The following IGSF21 variants were observed in gnomAD, a reference collection of about 807,000 sequenced individuals.
IGSF21 encodes the protein immunoglobin superfamily member 21.
In IGSF21, 28 loss-of-function variants were observed where a neutral mutation model predicts 46.8. The ratio of observed to expected loss-of-function variants is 0.60; its 90% CI spans 0.44 to 0.82. The LOEUF (loss-of-function observed/expected upper bound fraction) is 0.82. Ranked by LOEUF, IGSF21 falls within the 40% of genes least tolerant of loss-of-function variation. IGSF21 has a pLI of 0.00. For missense variants in IGSF21, 624 were observed against 665.5 expected (o/e 0.94, Z 0.69); for synonymous variants, 284 against 273.6 (o/e 1.04, Z -0.38).
chr1:18,246,616 G>A (rs959255928), intron 2 of IGSF21, among the ~76,000 whole-genome samples: 4 of 152,204 alleles, frequency 2.6e-5, no homozygotes, highest in African/African-American at 4.8e-5. Context: ...AGAAGGCAGA[G>A]GGAGCTAGCT....
chr1:18,124,634 T>G (rs10907329), intron 1 of IGSF21, among the ~76,000 whole-genome samples: 1 of 151,938 alleles, frequency 6.6e-6, no homozygotes, highest in Non-Finnish European at 1.5e-5. Context: ...GTGGCTGGGC[T>G]GCTGTGGAAG....
At chr1:18,363,188 T>C (rs2086121228) in intron 5 of IGSF21, among the ~76,000 whole-genome samples, 2 of 152,220 alleles carry the variant, frequency 1.3e-5, no homozygotes, top group South Asian at 4.1e-4. Flanking sequence ...TGACATTTTA[T>C]AATACTTTGG....
chr1:18,317,371 C>G (rs768077703), intron 3 of IGSF21, among the ~76,000 whole-genome samples: 5 of 152,204 alleles, frequency 3.3e-5, no homozygotes, highest in Non-Finnish European at 7.3e-5. Context: ...GTTAAGCAAC[C>G]TACCCAAGGT....
chr1:18,146,180 C>T (rs951542853), intron 1 of IGSF21, among the ~76,000 whole-genome samples: 3 of 152,224 alleles, frequency 2.0e-5, no homozygotes, highest in African/African-American at 7.2e-5. Flanking sequence ...ATGCCAGTTT[C>T]TCCCCACTCT....
Position 18,193,144 on chromosome 1 carries a change from C to T in IGSF21, c.71-34754C>T, listed in dbSNP as rs1025743896. 3.3e-5 allele frequency among the ~76,000 whole-genome samples: 5 copies of T among 152,112 alleles called. No homozygotes were observed. In the East Asian group the frequency reaches 5.8e-4, roughly 18 times the overall value. The stretch of plus-strand genomic sequence containing the variant: ...GCTTTTGAGGAAGGGCATTTGACAC[C>T]GACAGCTGAGTGAAGAAAGAACAAG... On this transcript the variant is annotated intron_variant, in intron 1 of 9. Coordinates refer to ENST00000251296, the MANE Select transcript of IGSF21 (RefSeq NM_032880.5).
intron 1 of IGSF21, among the ~76,000 whole-genome samples, chr1:18,220,350 A>G (rs943437241): frequency 2.0e-5 from 3 of 152,126 alleles, no homozygotes; most frequent in Non-Finnish European, 4.4e-5. Context: ...CACCAATCCA[A>G]GCAGATGTGG....
chr1:18,298,831 C>T (rs765199488), intron 3 of IGSF21, among the ~76,000 whole-genome samples: 5 of 152,214 alleles, frequency 3.3e-5, no homozygotes, highest in African/African-American at 9.7e-5. Flanking sequence ...CAGCCTGTTC[C>T]TCTCCCTTCA....
intron 2 of IGSF21, among the ~76,000 whole-genome samples, chr1:18,262,474 T>C (rs2084955195): frequency 6.6e-6 from 1 of 152,214 alleles, no homozygotes. Flanking sequence ...CAAGCCTCAG[T>C]TTCCTCATTG....
At chr1:18,263,542 A>G (rs2084965582) in intron 2 of IGSF21, among the ~76,000 whole-genome samples, 1 of 152,112 alleles carries the variant, frequency 6.6e-6, no homozygotes, top group African/African-American at 2.4e-5. Context: ...CTATTCAGTT[A>G]TCTCTGGGGT....
intron 6 of IGSF21, among the ~76,000 whole-genome samples, chr1:18,371,831 T>A (rs2086227961): frequency 6.6e-6 from 1 of 152,328 alleles, no homozygotes; most frequent in Middle Eastern, 3.4e-3. Flanking sequence ...TTTGTTTTCT[T>A]ACATAACTCA....
At chr1:18,377,769 C>T (rs1569909158) in intron 9 of IGSF21, among the ~76,000 whole-genome samples, 1 of 152,216 alleles carries the variant, frequency 6.6e-6, no homozygotes, top group South Asian at 2.1e-4. Flanking sequence ...AGCTTGGCTG[C>T]CCTGACCTCA....
chr1:18,250,164 G>A (rs1006934758), intron 2 of IGSF21, among the ~76,000 whole-genome samples: 1 of 145,522 alleles, frequency 6.9e-6, no homozygotes, highest in African/African-American at 2.5e-5. Context: ...ATTTGTACAG[G>A]CTTTTCAGAG....
intron 4 of IGSF21, among the ~76,000 whole-genome samples, chr1:18,356,954 G>T (rs184461541): frequency 4.7e-4 from 72 of 151,638 alleles, no homozygotes; most frequent in Non-Finnish European, 8.8e-4. Flanking sequence ...GGATGGAAAT[G>T]GAGCTGAATG....
chr1:18,353,861 C>T (rs2085986729), intron 4 of IGSF21, among the ~76,000 whole-genome samples: 1 of 152,222 alleles, frequency 6.6e-6, no homozygotes, highest in Non-Finnish European at 1.5e-5. Flanking sequence ...GCAAGGTCTA[C>T]AGCACTGCAG....
At position 18,291,924 on chromosome 1, in the gene IGSF21, C is replaced by T; in HGVS notation, c.242C>T (p.Thr81Ile). ...TTCACCTTCGACGCCATGTTCTCCA[C>T]CAACTACTCACACATGGAGAACTAC... ...KIFTFDAMFS[T>I]NYSHMENYRK... is the part of the protein sequence containing the mutation. The change falls in exon 3 of 10, where the codon ACC becomes ATC. Residue 81 changes from threonine (T) to isoleucine (I), a missense_variant. Coordinates refer to ENST00000251296, the MANE Select transcript of IGSF21 (RefSeq NM_032880.5). The T allele has an allele frequency of 6.2e-7, 1 of 1,614,058 alleles. No homozygotes were observed. Among genetic ancestry groups the T allele is most frequent in the Non-Finnish European group, 8.5e-7 (1 of 1,179,950 alleles).
At chr1:18,332,261 GTTA>G (rs1375630942) in intron 3 of IGSF21, among the ~76,000 whole-genome samples, 1 of 152,184 alleles carries the variant, frequency 6.6e-6, no homozygotes, top group Non-Finnish European at 1.5e-5. Flanking sequence ...TGTCAACCAT[GTTA>G]TTATTATCTT....
intron 2 of IGSF21, among the ~76,000 whole-genome samples, chr1:18,248,231 G>A (rs953079705): frequency 1.3e-5 from 2 of 152,224 alleles, no homozygotes; most frequent in Non-Finnish European, 2.9e-5. Flanking sequence ...ACAAGAGGCT[G>A]TGTACACAGT....
chr1:18,377,588 A>T (rs1481373160), intron 9 of IGSF21, among the ~76,000 whole-genome samples, 157 bp downstream of exon 9: 2 of 152,150 alleles, frequency 1.3e-5, no homozygotes, highest in Admixed American at 1.3e-4. Flanking sequence ...CAGGGTCCAA[A>T]GTGGGCAGAG....
chr1:18,142,969 C>T (rs1201508898), intron 1 of IGSF21, among the ~76,000 whole-genome samples: 1 of 152,194 alleles, frequency 6.6e-6, no homozygotes, highest in African/African-American at 2.4e-5. Context: ...TCACATGTTC[C>T]CCAAGTCCCT....
Sources: gnomAD v4.1 joint callset for allele counts (sites outside exome capture counted in the v4.1 genomes callset) on GRCh38, gnomAD v4.1.1 for gene constraint, MANE v1.5 for transcripts, NCBI Gene and HGNC (gene_info 2026-07-23, HGNC 2026-07-21) for gene names.